The following RGS6 variants were observed in gnomAD, a reference collection of about 807,000 sequenced individuals.
The protein encoded by RGS6 is regulator of G protein signaling 6, also known as regulator of G-protein signaling 6.
RGS6 carries 30 observed loss-of-function variants against 78.5 expected under a neutral mutation model. The observed-to-expected ratio is 0.38, with a 90% CI of 0.29 to 0.52. The LOEUF (loss-of-function observed/expected upper bound fraction) is 0.52. Ranked by LOEUF, RGS6 falls within the 20% of genes least tolerant of loss-of-function variation. The pLI is 0.85. For missense variants in RGS6, 495 were observed against 609.7 expected (o/e 0.81, Z 1.98); for synonymous variants, 206 against 206.0 (o/e 1.00, Z 0.00).
chr14:72,397,250 GGA>G, intron 3 of RGS6, among the ~76,000 whole-genome samples: 1 of 152,188 alleles, frequency 6.6e-6, no homozygotes, highest in Non-Finnish European at 1.5e-5. Flanking sequence ...AGTTCTCCTT[GGA>G]GAGGTCCTTC....
the RGS6 span, among the ~76,000 whole-genome samples, chr14:72,626,144 A>G: frequency 1.3e-5 from 2 of 152,004 alleles, no homozygotes; most frequent in Non-Finnish European, 2.9e-5. Context: ...TTTTCCCTAC[A>G]TCTTGGTTGA....
intron 2 of RGS6, among the ~76,000 whole-genome samples, chr14:72,053,717 A>T (rs1417773502): frequency 1.3e-5 from 2 of 152,250 alleles, no homozygotes; most frequent in African/African-American, 4.8e-5. Flanking sequence ...AAACTAGAAC[A>T]CTGTCTTCAA....
intron 4 of RGS6, among the ~76,000 whole-genome samples, chr14:72,454,801 A>T (rs1011806065): frequency 1.5e-4 from 23 of 152,252 alleles, no homozygotes; most frequent in African/African-American, 5.5e-4. Context: ...ACTTTTTAGA[A>T]TGCCAAAGAG....
chr14:72,455,953 A>G (rs1395893776), intron 4 of RGS6, among the ~76,000 whole-genome samples: 2 of 152,136 alleles, frequency 1.3e-5, no homozygotes, highest in African/African-American at 4.8e-5. Flanking sequence ...TCTGACATAT[A>G]TTTTATTATT....
intron 2 of RGS6, among the ~76,000 whole-genome samples, chr14:72,030,171 A>G (rs1281710597): frequency 2.6e-5 from 4 of 152,212 alleles, no homozygotes; most frequent in Non-Finnish European, 4.4e-5. Flanking sequence ...TATAACTTCC[A>G]TATTAATGGT....
intron 4 of RGS6, among the ~76,000 whole-genome samples, chr14:72,457,632 A>G (rs1465543233): frequency 1.1e-5 from 1 of 93,230 alleles, no homozygotes; most frequent in Non-Finnish European, 2.8e-5. Context: ...TGCCAAAGGA[A>G]CGAAGGAACA....
intron 3 of RGS6, among the ~76,000 whole-genome samples, chr14:72,407,516 T>C (rs2093036105): frequency 1.3e-5 from 2 of 152,228 alleles, no homozygotes; most frequent in African/African-American, 4.8e-5. Flanking sequence ...CATTTGCCAC[T>C]AAGTACTCAG....
intron 2 of RGS6, among the ~76,000 whole-genome samples, chr14:72,098,107 CAT>C (rs1406994881): frequency 5.3e-5 from 8 of 152,160 alleles, no homozygotes; most frequent in Non-Finnish European, 8.8e-5. Context: ...AATATCCTGA[CAT>C]AGCTGTGCTG....
At chr14:71,923,373 G>A in the RGS6 span, among the ~76,000 whole-genome samples, 3 of 152,184 alleles carry the variant, frequency 2.0e-5, no homozygotes, top group African/African-American at 7.2e-5. Context: ...CCTTCTAGGG[G>A]TAGGGCATGT....
chr14:71,933,700 CTA>C (rs1475560893), intron 1 of RGS6, among the ~76,000 whole-genome samples: 2 of 152,168 alleles, frequency 1.3e-5, no homozygotes, highest in Non-Finnish European at 2.9e-5. Flanking sequence ...AGTAGCATTT[CTA>C]TGTTACAAAC....
At chr14:72,007,273 A>T (rs992239712) in intron 2 of RGS6, among the ~76,000 whole-genome samples, 1 of 152,148 alleles carries the variant, frequency 6.6e-6, no homozygotes, top group South Asian at 2.1e-4. Flanking sequence ...GCCTCCCCAC[A>T]TGGTACGTGA....
At chr14:72,046,052 C>G (rs1462011982) in intron 2 of RGS6, among the ~76,000 whole-genome samples, 1 of 152,040 alleles carries the variant, frequency 6.6e-6, no homozygotes, top group Non-Finnish European at 1.5e-5. Context: ...TTGAGTCTTT[C>G]CTTTTCTTCA....
chr14:72,403,986 T>C (rs2092698831), intron 3 of RGS6, among the ~76,000 whole-genome samples: 1 of 152,194 alleles, frequency 6.6e-6, no homozygotes, highest in South Asian at 2.1e-4. Flanking sequence ...CAGGAAGCTA[T>C]TTGATGGAGC....
chr14:72,476,170 A>T (rs985892695), intron 10 of RGS6, among the ~76,000 whole-genome samples: 1 of 152,204 alleles, frequency 6.6e-6, no homozygotes, highest in Non-Finnish European at 1.5e-5. Flanking sequence ...AGCTACGGAC[A>T]TGTGGAAAAA....
At chr14:72,423,506 T>C (rs1395045750) in intron 3 of RGS6, among the ~76,000 whole-genome samples, 2 of 152,210 alleles carry the variant, frequency 1.3e-5, no homozygotes, top group Admixed American at 1.3e-4. Flanking sequence ...AAGGATAAAG[T>C]CGTATTCTTC....
intron 2 of RGS6, among the ~76,000 whole-genome samples, chr14:72,275,604 G>A (rs939822534): frequency 1.3e-5 from 2 of 152,156 alleles, no homozygotes; most frequent in Non-Finnish European, 2.9e-5. Context: ...ATTTCTGTAG[G>A]CAGGATTCCT....
intron 2 of RGS6, among the ~76,000 whole-genome samples, chr14:72,086,180 C>A (rs2095033129): frequency 6.6e-6 from 1 of 152,176 alleles, no homozygotes; most frequent in African/African-American, 2.4e-5. Context: ...ACTGTGCTGA[C>A]CAGTTTCTGC....
intron 2 of RGS6, among the ~76,000 whole-genome samples, chr14:72,046,681 C>CTTA (rs2092871422): frequency 6.6e-6 from 1 of 151,530 alleles, no homozygotes; most frequent in Non-Finnish European, 1.5e-5. Context: ...ATTCCTTCAT[C>CTTA]TTAACTCATC....
chr14:72,363,317 T>G (rs112586827), intron 3 of RGS6, among the ~76,000 whole-genome samples: 244 of 152,280 alleles, frequency 1.6e-3, no homozygotes, highest in African/African-American at 5.8e-3. Flanking sequence ...GATGAGGGAA[T>G]GTATGTGAGA....
Sources: allele counts gnomAD v4.1 joint callset (sites outside exome capture counted in the v4.1 genomes callset), GRCh38; gene constraint gnomAD v4.1.1; transcripts MANE v1.5; gene names NCBI Gene and HGNC (gene_info 2026-07-23, HGNC 2026-07-21).